The following CHRDL1 variants were observed in gnomAD, a reference collection of about 807,000 sequenced individuals.
CHRDL1 encodes the protein chordin like 1, also known as chordin-like protein 1.
CHRDL1 carries 19 observed loss-of-function variants against 40.9 expected under a neutral mutation model. The observed-to-expected ratio is 0.46, with a 90% CI of 0.32 to 0.68. The LOEUF is 0.68. Ranked by LOEUF, CHRDL1 falls within the 30% of genes least tolerant of loss-of-function variation. The probability of loss-of-function intolerance (pLI) is 0.03; values close to 1 mark genes in which losing one functional copy is unlikely to be tolerated. For missense variants in CHRDL1, 329 were observed against 352.1 expected (o/e 0.93, Z 0.53); for synonymous variants, 136 against 123.4 (o/e 1.10, Z -0.68).
intron 2 of CHRDL1, among the ~76,000 whole-genome samples, chrX:110,788,059 T>C (rs963978101): frequency 2.7e-5 from 3 of 112,433 alleles, no homozygotes; most frequent in Non-Finnish European, 1.9e-5. Context: ...CCTGGCCTCA[T>C]TGACTACAAC....
chrX:110,698,840 T>C (rs1343481520), intron 7 of CHRDL1, among the ~76,000 whole-genome samples: 1 of 112,621 alleles, frequency 8.9e-6, no homozygotes. Context: ...TTAAGGTGAC[T>C]AAACTCTAAA....
intron 2 of CHRDL1, among the ~76,000 whole-genome samples, chrX:110,774,339 T>C (rs925540094): frequency 1.8e-5 from 2 of 112,133 alleles, no homozygotes; most frequent in African/African-American, 6.5e-5. Flanking sequence ...ACAGGATCTC[T>C]TCCTTTTGTA....
intron 4 of CHRDL1, among the ~76,000 whole-genome samples, chrX:110,753,668 T>C (rs73260110): frequency 0.037 from 4,168 of 111,743 alleles, 82 homozygotes; most frequent in Middle Eastern, 0.065. Flanking sequence ...ACTGTGGAAG[T>C]CACAGATATA....
chrX:110,689,696 T>A (rs1430543598), intron 8 of CHRDL1, among the ~76,000 whole-genome samples: 1 of 43,751 alleles, frequency 2.3e-5, no homozygotes, highest in Non-Finnish European at 3.4e-5. Context: ...TATATCTATA[T>A]ATCTATATAT....
intron 4 of CHRDL1, among the ~76,000 whole-genome samples, chrX:110,742,309 C>CT (rs1020740321): frequency 6.3e-5 from 7 of 111,803 alleles, no homozygotes; most frequent in African/African-American, 2.3e-4. Context: ...ACTGCTACAG[C>CT]TTTTTTATCA....
At chrX:110,788,304 T>C (rs1378024971) in intron 2 of CHRDL1, among the ~76,000 whole-genome samples, 1 of 112,001 alleles carries the variant, frequency 8.9e-6, no homozygotes, top group Non-Finnish European at 1.9e-5. Flanking sequence ...ATCTTCACCA[T>C]TCCTTGTGAT....
At chrX:110,747,448 CAAG>C (rs962402693) in intron 4 of CHRDL1, among the ~76,000 whole-genome samples, 4 of 94,520 alleles carry the variant, frequency 4.2e-5, no homozygotes, top group African/African-American at 1.9e-4. Context: ...AACCAAACAT[CAAG>C]AAGACCAAAA....
In CHRDL1 at chrX:110,690,365, C is replaced by CAT. The variant is rs375939145; in HGVS notation, c.779-1564_779-1563dup. Among the ~76,000 whole-genome samples the CAT allele has an allele frequency of 1.9e-3, 202 of 107,297 alleles. 1 individual carries two copies. Among genetic ancestry groups the CAT allele is most frequent in the Non-Finnish European group, 1.3e-3 (67 of 52,201 alleles). 93.2% of individuals were successfully genotyped at this position (107,297 alleles called of 115,157 possible). A position where few individuals can be genotyped will look rare whatever the true frequency, so the allele number is the denominator to read the frequency against. ...GCCCAGCCACATATATATATATTCT[C>CAT]ATATATATATATGAGAATAAATGAA... On this transcript the variant is annotated intron_variant, in intron 8 of 11. Coordinates refer to ENST00000372042, the MANE Select transcript of CHRDL1 (RefSeq NM_001143981.2).
chrX:110,704,794 GC>G (rs2070589630), intron 6 of CHRDL1, among the ~76,000 whole-genome samples: 1 of 111,091 alleles, frequency 9.0e-6, no homozygotes, highest in Non-Finnish European at 1.9e-5. Context: ...AGATTTACCA[GC>G]AAATGGCAAA....
At chrX:110,679,828 A>G (rs1428978976) in intron 10 of CHRDL1, among the ~76,000 whole-genome samples, 2 of 112,167 alleles carry the variant, frequency 1.8e-5, no homozygotes, top group Non-Finnish European at 3.8e-5. Flanking sequence ...CCTCCTGGCT[A>G]AGCACTGAGA....
chrX:110,689,514 C>A (rs189565653), intron 8 of CHRDL1, among the ~76,000 whole-genome samples: 23 of 27,500 alleles, frequency 8.4e-4, no homozygotes, highest in African/African-American at 3.4e-3. Context: ...ATATCTATAT[C>A]TCTATATATC....
At position 110,681,518 on chromosome X, in the gene CHRDL1, G is replaced by A. The variant is rs1332564019; in HGVS notation, c.1120C>T (p.Pro374Ser). The change falls in exon 10 of 12, where the codon CCT (proline) becomes TCT (serine). Residue 374 changes from proline to serine, a missense_variant. Physicochemically the swap from Pro to Ser is moderately conservative, Grantham distance 74. Coordinates refer to ENST00000372042, the MANE Select transcript of CHRDL1 (RefSeq NM_001143981.2). ...GTCCAAACGTGGACCTCTACCTGAG[G>A]TGGTCTCTCAGTCTCCAGTGCTATT... ...RKIALETERPPQVEVHVWTIR... is the reference protein window; with the variant it reads ...RKIALETERPSQVEVHVWTIR... 2 of 1,209,676 alleles carry A rather than the reference G, an allele frequency of 1.7e-6. No individual in the cohort carries two copies. Among genetic ancestry groups the A allele is most frequent in the Non-Finnish European group, 2.2e-6 (2 of 893,799 alleles).
At chrX:110,683,968 C>T (rs2069954066) in intron 9 of CHRDL1, among the ~76,000 whole-genome samples, 1 of 112,177 alleles carries the variant, frequency 8.9e-6, no homozygotes, top group African/African-American at 3.2e-5. Flanking sequence ...GACTCTCTCC[C>T]CTGTATGTCA....
chrX:110,782,630 C>T (rs954384682), intron 2 of CHRDL1, among the ~76,000 whole-genome samples: 1 of 112,531 alleles, frequency 8.9e-6, no homozygotes, highest in Non-Finnish European at 1.9e-5. Context: ...AATAGTGCAG[C>T]TGGCAGAGAC....
At chrX:110,793,901 A>T (rs746251036) in intron 1 of CHRDL1, among the ~76,000 whole-genome samples, 17 of 112,257 alleles carry the variant, frequency 1.5e-4, no homozygotes, top group Non-Finnish European at 2.6e-4. Context: ...TTAGGTCCCA[A>T]CTAATATTAT....
intron 4 of CHRDL1, among the ~76,000 whole-genome samples, chrX:110,741,845 G>C (rs1406084045): frequency 1.8e-5 from 2 of 111,902 alleles, no homozygotes; most frequent in Non-Finnish European, 3.8e-5. Context: ...ACTGCAGATA[G>C]GCCACAGGCT....
At chrX:110,755,382 G>A (rs1203831941) in intron 4 of CHRDL1, among the ~76,000 whole-genome samples, 5 of 111,994 alleles carry the variant, frequency 4.5e-5, no homozygotes, top group African/African-American at 6.5e-5. Flanking sequence ...TGATTTCCAC[G>A]GTTTAGCAGG....
intron 4 of CHRDL1, among the ~76,000 whole-genome samples, chrX:110,726,733 CAG>C (rs2071065524): frequency 8.9e-6 from 1 of 111,999 alleles, no homozygotes; most frequent in African/African-American, 3.2e-5. Context: ...AAAGAGGTCA[CAG>C]AGAGGAAAGC....
chrX:110,730,483 G>C (rs1268136998), intron 4 of CHRDL1, among the ~76,000 whole-genome samples: 2 of 111,818 alleles, frequency 1.8e-5, no homozygotes, highest in African/African-American at 3.3e-5. Context: ...TTTACGCTCA[G>C]AAGGGTCACA....
Sources: gnomAD v4.1 joint callset for allele counts (sites outside exome capture counted in the v4.1 genomes callset) on GRCh38, gnomAD v4.1.1 for gene constraint, MANE v1.5 for transcripts, NCBI Gene and HGNC (gene_info 2026-07-23, HGNC 2026-07-21) for gene names.